RNF126: variants seen among roughly 807,000 people sequenced by gnomAD.
The protein encoded by RNF126 is ring finger protein 126.
RNF126 carries 20 observed loss-of-function variants against 41.9 expected under a neutral mutation model. The observed-to-expected ratio is 0.48, with a 90% confidence interval of 0.34 to 0.69. The LOEUF (loss-of-function observed/expected upper bound fraction) is 0.69, where lower values mean the gene tolerates loss of function less well. Ranked by LOEUF, RNF126 falls within the 30% of genes least tolerant of loss-of-function variation. RNF126 has a pLI of 0.01. For missense variants in RNF126, 433 were observed against 460.6 expected, an observed-to-expected ratio of 0.94 and a Z score of 0.55; for synonymous variants, 239 against 202.9, an observed-to-expected ratio of 1.18 and a Z score of -1.51.
intron 1 of RNF126, among the ~76,000 whole-genome samples, chr19:660,223 G>A (rs967962950): frequency 6.6e-6 from 1 of 152,234 alleles, no homozygotes; most frequent in East Asian, 1.9e-4. Flanking sequence ...CAGATGCCAC[G>A]GGGAGCGAAT....
At chr19:652,151 G>C (rs2030335050) in intron 3 of RNF126, 82 bp downstream of exon 3, 1 of 1,172,290 alleles carries the variant, frequency 8.5e-7, no homozygotes, top group Non-Finnish European at 1.2e-6. Flanking sequence ...GAGAGCCGGG[G>C]AGGCGAGGTG....
Position 648,133 on chromosome 19 carries a change from A to G in RNF126, c.931T>C (p.Ser311Pro). 6.3e-7 allele frequency: 1 copy of G among 1,583,856 alleles called. No homozygotes were observed. Among genetic ancestry groups the G allele is most frequent in the Non-Finnish European group, 8.6e-7 (1 of 1,161,110 alleles). The change falls in exon 9 of 9, where the codon TCG (serine) becomes CCG (proline). Residue 311 changes from serine (S) to proline (P), a missense_variant. Transcript: ENST00000292363. ...TCCCGACGGCCGACGTGGGCTCACG[A>G]GTTGCTTGTGGCGTTCTCGTTGCTG... The part of the protein sequence containing the change: ...SPSNENATSN[S>P]
Position 651,875 on chromosome 19 carries a change from G to A in RNF126, c.199-20C>T, listed in dbSNP as rs756570998. ...CACGTGCTGGGGAGAGGAGGGGGGC[G>A]TGACCTCGGGGGCTCAGGCCCGTGC... On this transcript the variant is annotated intron_variant, in intron 3 of 8. Coordinates refer to ENST00000292363, the MANE Select transcript of RNF126 (RefSeq NM_194460.3). 8 of 1,594,986 alleles carry A rather than the reference G, an allele frequency of 5.0e-6. No homozygotes were observed. The highest frequency in any genetic ancestry group is 3.3e-5 in the South Asian group (3 of 90,136).
chr19:654,110 A>G (rs1476063233), intron 1 of RNF126, among the ~76,000 whole-genome samples: 1 of 152,220 alleles, frequency 6.6e-6, no homozygotes, highest in Non-Finnish European at 1.5e-5. Flanking sequence ...GAGGGCCGAC[A>G]GCTGGGCCCC....
At chr19:657,604 T>C (rs553457031) in intron 1 of RNF126, among the ~76,000 whole-genome samples, 87 of 152,304 alleles carry the variant, frequency 5.7e-4, no homozygotes, top group African/African-American at 1.9e-3. Flanking sequence ...AGGTCACCTC[T>C]CTGCTCCAAG....
chr19:649,250 T>G, intron 6 of RNF126: 1 of 287,838 alleles, frequency 3.5e-6, no homozygotes, highest in Non-Finnish European at 6.2e-6. Context: ...CTGAGTGCCC[T>G]GACGGCGGAA....
chr19:653,842 T>A (rs1180094200), intron 1 of RNF126, among the ~76,000 whole-genome samples: 1 of 152,234 alleles, frequency 6.6e-6, no homozygotes, highest in African/African-American at 2.4e-5. Context: ...GCACGTGTCA[T>A]CACGCCAGGG....
Position 648,373 on chromosome 19 carries a change from T to C in RNF126, c.785A>G (p.Gln262Arg). The change falls in exon 8 of 9, where the codon CAG (glutamine) becomes CGG (arginine). Residue 262 changes from glutamine (Q) to arginine (R), a missense_variant and splice_region_variant. Gln to Arg is a conservative substitution (Grantham distance 43, BLOSUM62 1). Transcript: ENST00000292363. ...GGGGCGGGTGGGCGGGGCACTCACCTGCTCCAGCCAGGGCACGATGCAGCC... is the reference window on the plus strand; with the variant it reads ...GGGGCGGGTGGGCGGGGCACTCACCCGCTCCAGCCAGGGCACGATGCAGCC... ...HDGCIVPWLE[Q>R]HDSCPVCRKS... 1 of 1,538,218 alleles carries C rather than the reference T, an allele frequency of 6.5e-7. No homozygotes were observed. Among genetic ancestry groups the C allele is most frequent in the Non-Finnish European group, 8.7e-7 (1 of 1,146,648 alleles).
chr19:655,066 T>C (rs2030502600), intron 1 of RNF126, among the ~76,000 whole-genome samples: 1 of 152,008 alleles, frequency 6.6e-6, no homozygotes, highest in African/African-American at 2.4e-5. Context: ...TCCCAGTACT[T>C]TGGGAAGCCA....
In RNF126 at chr19:663,039, G is replaced by A. The variant is rs1364957566; in HGVS notation, c.75+8C>T. ...CCCTGCCGCCCGCCGCCCCGGCCCG[G>A]GCCTCACCGGCAGGCGCGGGACGAT... On this transcript the variant is annotated splice_region_variant and intron_variant, in intron 1 of 8. Transcript: ENST00000292363. 2.2e-6 allele frequency: 3 copies of A among 1,357,100 alleles called. No homozygotes were observed. Among genetic ancestry groups the A allele is most frequent in the South Asian group, 1.6e-5 (1 of 63,352 alleles). The allele number at this position is 1,357,100 out of a possible 1,614,324, so 84.1% of individuals were successfully genotyped here.
chr19:650,345 A>T, intron 4 of RNF126, 49 bp from the exon 5 acceptor site: 1 of 1,529,924 alleles, frequency 6.5e-7, no homozygotes, highest in Non-Finnish European at 8.9e-7. Context: ...CACGCACAGG[A>T]GAGGCGCCAG....
Position 648,972 on chromosome 19 carries a change from G to A in RNF126, c.580C>T (p.Leu194Phe), listed in dbSNP as rs1219867757. ...NGLDAIITQL[L>F]NQFENTGPPP... is the part of the protein sequence containing the mutation. ...GGGCCTGTGTTTTCAAACTGATTGA[G>A]GAGCTGAAAGACAAGAGGCGAGAGT... The change falls in exon 7 of 9, where the codon CTC (leucine) becomes TTC (phenylalanine). Residue 194 changes from leucine to phenylalanine, a missense_variant. By Grantham distance (22) the Leu-to-Phe change is conservative. Transcript: ENST00000292363. 3 of 1,395,726 alleles carry A rather than the reference G, an allele frequency of 2.1e-6. No homozygotes were observed. The highest frequency in any genetic ancestry group is 2.8e-6 in the Non-Finnish European group (3 of 1,071,526). The allele number at this position is 1,395,726 out of a possible 1,614,324, so 86.5% of individuals were successfully genotyped here. A position where few individuals can be genotyped will look rare whatever the true frequency, so the allele number is the denominator to read the frequency against.
Position 652,550 on chromosome 19 carries a change from C to T in RNF126, c.135-254G>A, listed in dbSNP as rs372979815. 750 of 602,452 alleles carry T rather than the reference C, an allele frequency of 1.2e-3. 1 individual carries two copies. Among genetic ancestry groups the T allele is most frequent in the Non-Finnish European group, 2.0e-3 (686 of 341,352 alleles). 37.3% of individuals were successfully genotyped at this position (602,452 alleles called of 1,614,324 possible). The stretch of plus-strand genomic sequence containing the variant: ...GAATGTGGGTAGGGCCCCCGTGGCC[C>T]CTTCCCCGGAGGGCCTGGGTCACCA... On this transcript the variant is annotated intron_variant, in intron 2 of 8. Transcript: ENST00000292363.
chr19:649,620 CA>C (rs2030171986), intron 6 of RNF126, 58 bp downstream of exon 6: 3 of 1,400,504 alleles, frequency 2.1e-6, no homozygotes, highest in South Asian at 1.2e-5. Flanking sequence ...GGGCAGCTCC[CA>C]GGGGTGGGCA....
intron 1 of RNF126, among the ~76,000 whole-genome samples, chr19:656,223 G>A (rs771095213): frequency 9.9e-5 from 15 of 152,032 alleles, no homozygotes; most frequent in East Asian, 1.9e-4. Flanking sequence ...TGGGCCAGGC[G>A]CCTGTGGTCC....
rs990923813 is a variant in RNF126, at chr19:659,404, T to C, written c.75+3643A>G. On this transcript the variant is annotated intron_variant, in intron 1 of 8. Transcript: ENST00000292363. The surrounding 1 kb of genome is among the most constrained non-coding windows in gnomAD (Gnocchi z 4.9). Reference sequence around the variant, plus strand: ...GCGGCAGGGCCCAGCACCCCCACCGTCCTCTCACCGCCACTTGGGGACACT... The same window carrying C: ...GCGGCAGGGCCCAGCACCCCCACCGCCCTCTCACCGCCACTTGGGGACACT... Among the ~76,000 whole-genome samples the C allele has an allele frequency of 6.6e-6, 1 of 151,968 alleles. No homozygotes were observed. The highest frequency in any genetic ancestry group is 2.4e-5 in the African/African-American group (1 of 41,362).
chr19:652,962 G>A (rs1352327195), intron 1 of RNF126, 78 bp from the exon 2 acceptor site: 4 of 1,353,602 alleles, frequency 3.0e-6, no homozygotes, highest in South Asian at 1.2e-5. Flanking sequence ...AGGACAGAGG[G>A]GCTCCGGACC....
chr19:653,127 G>A (rs1365730510), intron 1 of RNF126, among the ~76,000 whole-genome samples: 1 of 149,772 alleles, frequency 6.7e-6, no homozygotes, highest in Non-Finnish European at 1.5e-5. Flanking sequence ...GCCCCACCGT[G>A]ACGGGCGTCA....
At chr19:655,442 C>T (rs1173993200) in intron 1 of RNF126, among the ~76,000 whole-genome samples, 3 of 151,494 alleles carry the variant, frequency 2.0e-5, no homozygotes, top group South Asian at 2.1e-4. Context: ...GCCGAGATCG[C>T]GCCACTGCAC....
Sources: allele counts gnomAD v4.1 joint callset (sites outside exome capture counted in the v4.1 genomes callset), GRCh38; gene constraint gnomAD v4.1.1; non-coding constraint Gnocchi (gnomAD v3.1); transcripts MANE v1.5; gene names NCBI Gene and HGNC (gene_info 2026-07-23, HGNC 2026-07-21).